RPS6KC1: variants seen among roughly 807,000 people sequenced by gnomAD.
RPS6KC1 encodes ribosomal protein S6 kinase C1, also known as inactive ribosomal protein S6 kinase delta-1.
In RPS6KC1, 54 loss-of-function variants were observed where a neutral mutation model predicts 103.8. That is an observed-to-expected ratio of 0.52 (90% CI 0.42 to 0.65). RPS6KC1 has a LOEUF of 0.65. Among genes scored for constraint, RPS6KC1 ranks in the 30% least tolerant of loss-of-function variants. RPS6KC1 has a pLI of 0.00. For missense variants in RPS6KC1, 1,151 were observed against 1,253.8 expected, an observed-to-expected ratio of 0.92 and a Z score of 1.24; for synonymous variants, 439 against 438.7, an observed-to-expected ratio of 1.00 and a Z score of -0.01.
the RPS6KC1 span, among the ~76,000 whole-genome samples, chr1:213,638,541 T>C: frequency 1.3e-5 from 2 of 149,378 alleles, no homozygotes; most frequent in African/African-American, 5.1e-5. Flanking sequence ...GTTTGAGGTA[T>C]AGGACAAGAT....
the RPS6KC1 span, among the ~76,000 whole-genome samples, chr1:213,396,222 C>T: frequency 8.5e-5 from 13 of 152,180 alleles, no homozygotes; most frequent in Admixed American, 4.6e-4. Context: ...TTCCCTAGTG[C>T]CGTCAAGGGG....
the RPS6KC1 span, among the ~76,000 whole-genome samples, chr1:213,649,243 G>T: frequency 7.2e-6 from 1 of 138,730 alleles, no homozygotes; most frequent in African/African-American, 2.8e-5. Flanking sequence ...CTATGAGTAC[G>T]TTCAAGTCTC....
chr1:213,732,625 C>T, the RPS6KC1 span, among the ~76,000 whole-genome samples: 13 of 152,062 alleles, frequency 8.5e-5, no homozygotes, highest in East Asian at 3.8e-4. Flanking sequence ...CTCTTCCATC[C>T]GGATCCCTAT....
chr1:213,138,361 A>G (rs1394922895), intron 6 of RPS6KC1, among the ~76,000 whole-genome samples: 2 of 151,376 alleles, frequency 1.3e-5, no homozygotes, highest in Admixed American at 6.6e-5. Flanking sequence ...TTTTTTCTTC[A>G]CAACTTTCAT....
the RPS6KC1 span, among the ~76,000 whole-genome samples, chr1:213,348,619 G>A: frequency 0.025 from 3,767 of 152,290 alleles, 70 homozygotes; most frequent in Non-Finnish European, 0.035. Flanking sequence ...GTCTTTGGAT[G>A]TTCTGTTAAG....
rs1031644021 is a variant in RPS6KC1, at chr1:213,178,119, G to A, written c.1044+1627G>A. On this transcript the variant is annotated intron_variant, in intron 8 of 14. Transcript: ENST00000366960. The stretch of plus-strand genomic sequence containing the variant: ...AGGATCCCCTGAGCCTGGGGAGTTT[G>A]AGGCTGCCGTGAGCCGTGGTCATGC... 2.2e-4 allele frequency among the ~76,000 whole-genome samples: 33 copies of A among 151,722 alleles called. 1 individual carries two copies. The highest frequency in any genetic ancestry group is 4.4e-5 in the Non-Finnish European group (3 of 67,948).
At chr1:213,178,230 T>TAAATA (rs1335260643) in intron 8 of RPS6KC1, among the ~76,000 whole-genome samples, 1 of 131,664 alleles carries the variant, frequency 7.6e-6, no homozygotes, top group Non-Finnish European at 1.7e-5. Context: ...AATAAATAAA[T>TAAATA]ATCAAGTCTT....
the RPS6KC1 span, among the ~76,000 whole-genome samples, chr1:213,579,613 A>T: frequency 4.0e-4 from 61 of 152,160 alleles, no homozygotes; most frequent in East Asian, 6.7e-3. Flanking sequence ...TTAGCTAGAG[A>T]GGAGAAGTCA....
the RPS6KC1 span, among the ~76,000 whole-genome samples, chr1:213,770,836 A>C: frequency 3.3e-5 from 5 of 152,254 alleles, no homozygotes; most frequent in Non-Finnish European, 1.5e-5. Context: ...TAGGAAGTCC[A>C]GAAAATGAAG....
chr1:213,152,348 C>T (rs963073424), intron 6 of RPS6KC1, among the ~76,000 whole-genome samples: 15 of 146,830 alleles, frequency 1.0e-4, no homozygotes, highest in Non-Finnish European at 2.0e-4. Context: ...CCACCTCCCT[C>T]CCGGACGGGG....
At chr1:213,292,604 G>GGA in the RPS6KC1 span, among the ~76,000 whole-genome samples, 1 of 152,156 alleles carries the variant, frequency 6.6e-6, no homozygotes, top group Admixed American at 6.5e-5. Flanking sequence ...CACTCCAGGA[G>GGA]GAGACCGTGC....
intron 8 of RPS6KC1, among the ~76,000 whole-genome samples, chr1:213,192,195 T>G (rs1488925894): frequency 6.6e-6 from 1 of 152,258 alleles, no homozygotes; most frequent in African/African-American, 2.4e-5. Flanking sequence ...TGACATTAAT[T>G]TATTTGCATA....
chr1:213,348,329 C>T, the RPS6KC1 span, among the ~76,000 whole-genome samples: 1 of 152,140 alleles, frequency 6.6e-6, no homozygotes. Flanking sequence ...GAAAACTGTC[C>T]AATTCTTCTT....
intron 12 of RPS6KC1, among the ~76,000 whole-genome samples, chr1:213,249,064 CT>C (rs928965556): frequency 1.6e-4 from 25 of 152,078 alleles, no homozygotes; most frequent in African/African-American, 6.0e-4. Flanking sequence ...GGGCAAATTT[CT>C]TTTTCAGAAG....
the RPS6KC1 span, among the ~76,000 whole-genome samples, chr1:213,774,948 C>T: frequency 6.6e-6 from 1 of 152,110 alleles, no homozygotes; most frequent in African/African-American, 2.4e-5. Context: ...AGATGGCAAA[C>T]ATATAGAAGC....
chr1:213,099,014 G>A (rs1376244457), intron 3 of RPS6KC1, among the ~76,000 whole-genome samples: 2 of 152,116 alleles, frequency 1.3e-5, no homozygotes, highest in Non-Finnish European at 2.9e-5. Flanking sequence ...TACTACAAAG[G>A]GAAATTCAAA....
intron 6 of RPS6KC1, among the ~76,000 whole-genome samples, chr1:213,132,625 T>C (rs1304190504): frequency 1.3e-5 from 2 of 152,184 alleles, no homozygotes; most frequent in Non-Finnish European, 2.9e-5. Flanking sequence ...GAAGAGATGT[T>C]TCCTTGGGTA....
chr1:213,376,765 G>A, the RPS6KC1 span, among the ~76,000 whole-genome samples: 1 of 152,172 alleles, frequency 6.6e-6, no homozygotes, highest in African/African-American at 2.4e-5. Flanking sequence ...ATAGATCTAG[G>A]TAGAGTGAAC....
chr1:213,156,068 G>A (rs2089854394), intron 6 of RPS6KC1, among the ~76,000 whole-genome samples: 2 of 152,146 alleles, frequency 1.3e-5, no homozygotes, highest in South Asian at 4.1e-4. Context: ...ATCCTACCAG[G>A]AATTGACAGA....
Sources: allele counts gnomAD v4.1 joint callset (sites outside exome capture counted in the v4.1 genomes callset), GRCh38; gene constraint gnomAD v4.1.1; transcripts MANE v1.5; gene names NCBI Gene and HGNC (gene_info 2026-07-23, HGNC 2026-07-21).